MPDZ: variants seen among roughly 807,000 people sequenced by gnomAD.
The protein encoded by MPDZ is multiple PDZ domain protein.
In MPDZ, 234 loss-of-function variants were observed where a neutral mutation model predicts 239.1. That is an observed-to-expected ratio of 0.98 (90% CI 0.88 to 1.09). MPDZ has a LOEUF of 1.09. MPDZ is among the 50% of genes least tolerant of loss of function. MPDZ has a pLI of 0.00. For synonymous variants in MPDZ, 1,048 were observed against 881.3 expected (o/e 1.19, Z -3.35); for missense variants, 3,175 against 2,510.0 (o/e 1.26, Z -5.66).
chr9:13,175,845 G>C lies in MPDZ; in HGVS notation c.2962C>G (p.Leu988Val), dbSNP rs772796261. 6 of 1,593,692 alleles carry C rather than the reference G, an allele frequency of 3.8e-6. No homozygotes were observed. Among genetic ancestry groups the C allele is most frequent in the African/African-American group, 1.3e-5 (1 of 74,736 alleles). ...ATGACACACTCAGCATTACAGGCCA[G>C]GGAGCTCTGTTCAAGCAGGTACTCA... Reference protein sequence around the residue: ...GSEYLLEQSSLACNAECVMLQ... With the variant: ...GSEYLLEQSSVACNAECVMLQ... Residue 988 changes from leucine (L) to valine (V), a missense_variant, in exon 21 of 47, where the codon CTG (leucine) becomes GTG (valine). Physicochemically the swap from Leu to Val is conservative, Grantham distance 32. Transcript: ENST00000319217.
chr9:13,279,570 C>G lies in MPDZ; in HGVS notation c.-228G>C, dbSNP rs1463561440. 1 of 149,612 alleles carries G rather than the reference C, an allele frequency of 6.7e-6. No homozygotes were observed. Among genetic ancestry groups the G allele is most frequent in the African/African-American group, 2.4e-5 (1 of 41,140 alleles). 9.3% of individuals were successfully genotyped at this position (149,612 alleles called of 1,614,324 possible). ...AAAACGCACAGACACTCACGCGTGA[C>G]TGAGAAACTTAATCCCGCGGTGGCC... On this transcript the variant is annotated 5_prime_UTR_variant, in exon 1 of 47. Coordinates refer to ENST00000319217, the MANE Select transcript of MPDZ (RefSeq NM_001378778.1).
At chr9:13,128,617 CA>C (rs1945460483) in intron 32 of MPDZ, among the ~76,000 whole-genome samples, 1 of 152,168 alleles carries the variant, frequency 6.6e-6, no homozygotes, top group South Asian at 2.1e-4. Context: ...TGTTACATAG[CA>C]AAAGTTAAGG....
chr9:13,256,580 TAG>T (rs1969499296), intron 1 of MPDZ, among the ~76,000 whole-genome samples: 1 of 152,156 alleles, frequency 6.6e-6, no homozygotes. Context: ...TGTCAGGGAA[TAG>T]AGAGGCCTCA....
intron 42 of MPDZ, among the ~76,000 whole-genome samples, chr9:13,112,403 G>A (rs1398311658): frequency 6.6e-6 from 1 of 152,148 alleles, no homozygotes; most frequent in African/African-American, 2.4e-5. Context: ...TGAAAAGCAG[G>A]TAAACTCATG....
rs754448147 is a variant in MPDZ, at chr9:13,109,040, T to C, written c.5962A>G (p.Ile1988Val). The change falls in exon 46 of 47, where the codon ATT (isoleucine) becomes GTT (valine). Residue 1988 changes from isoleucine to valine, a missense_variant. Transcript: ENST00000319217. ...CCATCTGGTCCTCGCTCTAGTGTAA[T>C]AGACTTACATTGAGGAGGTCTACGG... ...DDLGPPQCKS[I>V]TLERGPDGLG... 12 of 1,537,356 alleles carry C rather than the reference T, an allele frequency of 7.8e-6. No individual in the cohort carries two copies. The highest frequency in any genetic ancestry group is 4.1e-5 in the African/African-American group (3 of 72,900).
At position 13,125,251 on chromosome 9, in the gene MPDZ, G is replaced by C. The variant is rs1944949307; in HGVS notation, c.4772C>G (p.Pro1591Arg). The C allele has an allele frequency of 6.2e-7, 1 of 1,610,960 alleles. No homozygotes were observed. Among genetic ancestry groups the C allele is most frequent in the Non-Finnish European group, 8.5e-7 (1 of 1,177,904 alleles). Residue 1591 changes from proline (P) to arginine (R), a missense_variant, in exon 35 of 47, where the codon CCA becomes CGA. Coordinates refer to ENST00000319217, the MANE Select transcript of MPDZ (RefSeq NM_001378778.1). ...KKNSSQSLMV[P>R]QSGSPEPESI... Reference sequence around the variant, plus strand: ...CTCCGGTTCTGGGGAGCCAGACTGTGGGACCATCAGAGACTGGGAGCTGTT... The same window carrying C: ...CTCCGGTTCTGGGGAGCCAGACTGTCGGACCATCAGAGACTGGGAGCTGTT...
In MPDZ at chr9:13,186,187, T is replaced by C. The variant is rs534892891; in HGVS notation, c.2481+83A>G. The C allele has an allele frequency of 3.7e-5, 24 of 655,292 alleles. No individual in the cohort carries two copies. The East Asian group carries it at 4.1e-4, about 11-fold the overall frequency. 40.6% of individuals were successfully genotyped at this position (655,292 alleles called of 1,614,324 possible). ...ATATAATAATGAACAAAGAATATAA[T>C]AGACTTCTTCAGAATATTTTGAAAG... On this transcript the variant is annotated intron_variant, in intron 18 of 46. Coordinates refer to ENST00000319217, the MANE Select transcript of MPDZ (RefSeq NM_001378778.1).
intron 10 of MPDZ, among the ~76,000 whole-genome samples, chr9:13,207,860 T>G (rs1050516114): frequency 1.3e-5 from 2 of 152,220 alleles, no homozygotes; most frequent in Non-Finnish European, 2.9e-5. Context: ...AATTATATTC[T>G]GAGGTAGATA....
chr9:13,236,249 G>GTGTGTATATATATATATATATATA (rs1329605248), intron 3 of MPDZ, among the ~76,000 whole-genome samples: 1 of 35,864 alleles, frequency 2.8e-5, no homozygotes, highest in African/African-American at 1.2e-4. Flanking sequence ...GTGTGTGTGT[G>GTGTGTATATATATATATATATATA]TATATATATA....
intron 16 of MPDZ, 119 bp from the exon 17 acceptor site, chr9:13,189,112 G>T (rs1243472921): frequency 3.7e-6 from 3 of 816,212 alleles, no homozygotes; most frequent in Admixed American, 2.9e-5. Flanking sequence ...AAATTTTCAT[G>T]CCAAAAAAAA....
chr9:13,223,824 G>A, intron 4 of MPDZ, 114 bp from the exon 5 acceptor site: 1 of 1,129,526 alleles, frequency 8.9e-7, no homozygotes, highest in Non-Finnish European at 1.2e-6. Context: ...TTGAAGCCAG[G>A]AGTTAGGGAC....
At position 13,150,503 on chromosome 9, in the gene MPDZ, G is replaced by A. The variant is rs1008776742; in HGVS notation, c.3630+8C>T. On this transcript the variant is annotated splice_region_variant and intron_variant, in intron 25 of 46. Coordinates refer to ENST00000319217, the MANE Select transcript of MPDZ (RefSeq NM_001378778.1). Reference sequence around the variant, plus strand: ...AAATTTTAGCACAGAAAGCTCACTAGAGGGTACCTCTACGATTCTATCTCC... The same window carrying A: ...AAATTTTAGCACAGAAAGCTCACTAAAGGGTACCTCTACGATTCTATCTCC... 1 of 1,524,210 alleles carries A rather than the reference G, an allele frequency of 6.6e-7. No homozygotes were observed. Among genetic ancestry groups the A allele is most frequent in the African/African-American group, 1.4e-5 (1 of 71,464 alleles). The allele number at this position is 1,524,210 out of a possible 1,614,324, so 94.4% of individuals were successfully genotyped here. A position where few individuals can be genotyped will look rare whatever the true frequency, so the allele number is the denominator to read the frequency against.
At chr9:13,230,670 G>A (rs1047093699) in intron 3 of MPDZ, among the ~76,000 whole-genome samples, 11 of 152,114 alleles carry the variant, frequency 7.2e-5, no homozygotes, top group African/African-American at 2.7e-4. Flanking sequence ...GGAGATATTT[G>A]TGGTGATAAA....
rs563767614 is a variant in MPDZ at position 13,126,608 on chromosome 9, A to C, written c.4558-18T>G. 1.9e-6 allele frequency: 3 copies of C among 1,610,628 alleles called. No homozygotes were observed. The African/African-American group carries it at 4.0e-5, about 21-fold the overall frequency. ...CGTCCATCCTAAATGGAAACGTAGAAGAATTTGAGTGATATTCCAAAAGTA... is the reference window on the plus strand; with the variant it reads ...CGTCCATCCTAAATGGAAACGTAGACGAATTTGAGTGATATTCCAAAAGTA... On this transcript the variant is annotated intron_variant, in intron 33 of 46. Coordinates refer to ENST00000319217, the MANE Select transcript of MPDZ (RefSeq NM_001378778.1).
At chr9:13,232,581 C>T (rs1341209620) in intron 3 of MPDZ, among the ~76,000 whole-genome samples, 1 of 151,278 alleles carries the variant, frequency 6.6e-6, no homozygotes, top group Non-Finnish European at 1.5e-5. Context: ...GAGAGAAAAT[C>T]TCTGTATTTT....
At chr9:13,177,198 A>G (rs1335957983) in intron 19 of MPDZ, among the ~76,000 whole-genome samples, 1 of 152,172 alleles carries the variant, frequency 6.6e-6, no homozygotes, top group Non-Finnish European at 1.5e-5. Context: ...CAGTTGCTTC[A>G]TAAACTGCTG....
Position 13,140,013 on chromosome 9 carries a change from T to C in MPDZ, c.3977A>G (p.Lys1326Arg). ...SASKISQDVD[K>R]EDEFGYSWKN... is the part of the protein sequence containing the mutation. The stretch of plus-strand genomic sequence containing the variant: ...CCAGCTGTAACCAAACTCATCCTCT[T>C]TGTCCACATCTTGTGAGATTTTGCT... The change falls in exon 28 of 47, where the codon AAA becomes AGA. Residue 1326 changes from lysine (K) to arginine (R), a missense_variant. By Grantham distance (26) the Lys-to-Arg change is conservative. Coordinates refer to ENST00000319217, the MANE Select transcript of MPDZ (RefSeq NM_001378778.1). 1 of 1,613,562 alleles carries C rather than the reference T, an allele frequency of 6.2e-7. No homozygotes were observed. Among genetic ancestry groups the C allele is most frequent in the Non-Finnish European group, 8.5e-7 (1 of 1,179,684 alleles).
At chr9:13,267,995 C>G (rs545350880) in intron 1 of MPDZ, among the ~76,000 whole-genome samples, 1 of 152,178 alleles carries the variant, frequency 6.6e-6, no homozygotes, top group South Asian at 2.1e-4. Context: ...TTCCTTGTGA[C>G]TCAGTTGTCA....
intron 23 of MPDZ, among the ~76,000 whole-genome samples, chr9:13,159,666 G>A (rs1423203779): frequency 6.6e-6 from 1 of 152,098 alleles, no homozygotes; most frequent in Non-Finnish European, 1.5e-5. Flanking sequence ...CCTAAGCAGT[G>A]AGAGCTATTC....
Sources: gnomAD v4.1 joint callset for allele counts (sites outside exome capture counted in the v4.1 genomes callset) on GRCh38, gnomAD v4.1.1 for gene constraint, MANE v1.5 for transcripts, NCBI Gene and HGNC (gene_info 2026-07-23, HGNC 2026-07-21) for gene names.